Variants in ANXA4 observed in about 807,000 individuals in gnomAD.
ANXA4 encodes the protein annexin A4, also known as 35-beta calcimedin.
In ANXA4, 39 loss-of-function variants were observed where a neutral mutation model predicts 49.8. That is an observed-to-expected ratio of 0.78 (90% CI 0.61 to 1.02). ANXA4 has a LOEUF of 1.02. Ranked by LOEUF, ANXA4 falls within the 50% of genes least tolerant of loss-of-function variation. The probability of loss-of-function intolerance (pLI) is 0.00; values close to 1 mark genes in which losing one functional copy is unlikely to be tolerated. For synonymous variants in ANXA4, 134 were observed against 152.5 expected, an observed-to-expected ratio of 0.88 and a Z score of 0.89; for missense variants, 360 against 410.1, an observed-to-expected ratio of 0.88 and a Z score of 1.05.
intron 2 of ANXA4, among the ~76,000 whole-genome samples, chr2:69,679,071 A>G (rs1677506084): frequency 6.6e-6 from 1 of 151,822 alleles, no homozygotes; most frequent in African/African-American, 2.4e-5. Flanking sequence ...TTGGTTTTTT[A>G]TTGATACACA....
chr2:69,654,631 A>C (rs1676370653), intron 2 of ANXA4, among the ~76,000 whole-genome samples: 1 of 152,198 alleles, frequency 6.6e-6, no homozygotes, highest in East Asian at 1.9e-4. Context: ...CCCAGGGATG[A>C]AGCTGACTTG....
chr2:69,683,705 C>A (rs1677686042), intron 2 of ANXA4, among the ~76,000 whole-genome samples: 1 of 152,120 alleles, frequency 6.6e-6, no homozygotes, highest in Non-Finnish European at 1.5e-5. Flanking sequence ...TGGAGACAGC[C>A]AAGAGCCCTT....
chr2:69,667,636 GTC>G (rs1358640505), intron 2 of ANXA4, among the ~76,000 whole-genome samples: 2 of 151,942 alleles, frequency 1.3e-5, no homozygotes, highest in African/African-American at 4.8e-5. Flanking sequence ...TCTCTTTTTT[GTC>G]TCTTTTGTCC....
At chr2:69,686,624 T>TA (rs1677797246) in intron 2 of ANXA4, among the ~76,000 whole-genome samples, 1 of 152,124 alleles carries the variant, frequency 6.6e-6, no homozygotes, top group Non-Finnish European at 1.5e-5. Context: ...GGCTAATACT[T>TA]TTTTAAATTT....
At chr2:69,744,907 T>C (rs1237504400) in intron 1 of ANXA4, among the ~76,000 whole-genome samples, 2 of 152,170 alleles carry the variant, frequency 1.3e-5, no homozygotes, top group Non-Finnish European at 2.9e-5. Context: ...ATTTTCTTCT[T>C]GTCAAGCTGA....
At chr2:69,679,125 A>T (rs994588708) in intron 2 of ANXA4, among the ~76,000 whole-genome samples, 5 of 151,930 alleles carry the variant, frequency 3.3e-5, no homozygotes, top group African/African-American at 7.3e-5. Flanking sequence ...GGTTTTTTAA[A>T]TTTTATTTTA....
At chr2:69,686,792 A>G (rs1362719812) in intron 2 of ANXA4, among the ~76,000 whole-genome samples, 3 of 152,216 alleles carry the variant, frequency 2.0e-5, no homozygotes. Context: ...TTTTACAACT[A>G]GCTCAGAAAA....
At chr2:69,820,966 T>C in intron 12 of ANXA4, 145 bp downstream of exon 12, 1 of 943,140 alleles carries the variant, frequency 1.1e-6, no homozygotes, top group Non-Finnish European at 1.5e-6. Context: ...GTCTCTCCTC[T>C]TTCACACAGA....
intron 2 of ANXA4, among the ~76,000 whole-genome samples, chr2:69,782,301 C>G (rs1441782929): frequency 6.6e-6 from 1 of 152,134 alleles, no homozygotes; most frequent in African/African-American, 2.4e-5. Context: ...CTTGAGATGC[C>G]TTCCTTTAGG....
chr2:69,662,866 T>A (rs950044633), intron 2 of ANXA4, among the ~76,000 whole-genome samples: 4 of 152,088 alleles, frequency 2.6e-5, no homozygotes, highest in African/African-American at 9.7e-5. Flanking sequence ...TAAATAATTT[T>A]TTACTAAAAT....
chr2:69,753,421 A>G (rs752941973), intron 1 of ANXA4, among the ~76,000 whole-genome samples: 1 of 152,228 alleles, frequency 6.6e-6, no homozygotes. Context: ...CCGAAAATCT[A>G]TATTTTAACT....
At chr2:69,793,262 A>AAAAAAAAC (rs2103740502) in intron 3 of ANXA4, among the ~76,000 whole-genome samples, 1 of 152,014 alleles carries the variant, frequency 6.6e-6, no homozygotes, top group East Asian at 1.9e-4. Context: ...AAAAAAAAAA[A>AAAAAAAAC]GCAGTTTACA....
intron 2 of ANXA4, chr2:69,713,566 T>G (rs1678752132): frequency 6.6e-6 from 1 of 152,226 alleles, no homozygotes; most frequent in East Asian, 1.9e-4. Flanking sequence ...GTCAATCAGT[T>G]TGTAAAACTC....
chr2:69,744,965 G>A (rs1260425047), intron 1 of ANXA4, among the ~76,000 whole-genome samples: 1 of 152,184 alleles, frequency 6.6e-6, no homozygotes, highest in Non-Finnish European at 1.5e-5. Context: ...TGGAAAGGGA[G>A]CACACTGCTG....
intron 1 of ANXA4, among the ~76,000 whole-genome samples, chr2:69,650,702 C>T (rs568780760): frequency 1.3e-5 from 2 of 152,312 alleles, no homozygotes; most frequent in Admixed American, 6.5e-5. Context: ...AATCCTCCTC[C>T]CTCGGCCTCC....
intron 5 of ANXA4, among the ~76,000 whole-genome samples, chr2:69,807,355 G>C (rs924662002): frequency 1.2e-4 from 18 of 152,106 alleles, no homozygotes; most frequent in African/African-American, 4.3e-4. Context: ...CCTAGATGAC[G>C]TACCCACTGT....
intron 2 of ANXA4, among the ~76,000 whole-genome samples, chr2:69,782,569 G>C (rs1345667465): frequency 6.6e-6 from 1 of 152,084 alleles, no homozygotes; most frequent in Non-Finnish European, 1.5e-5. Flanking sequence ...TGCCCAAGCT[G>C]GTCTCAAACT....
intron 4 of ANXA4, among the ~76,000 whole-genome samples, chr2:69,805,207 A>G (rs567045210): frequency 6.6e-6 from 1 of 152,308 alleles, no homozygotes; most frequent in African/African-American, 2.4e-5. Context: ...TTTGGAAACT[A>G]TATCTCAGGA....
At chr2:69,702,651 T>C (rs1250867069) in intron 2 of ANXA4, among the ~76,000 whole-genome samples, 7 of 151,900 alleles carry the variant, frequency 4.6e-5, no homozygotes, top group Admixed American at 4.6e-4. Flanking sequence ...GAGTTGGAGG[T>C]TAAGTGAGCT....
Sources: allele counts gnomAD v4.1 joint callset (sites outside exome capture counted in the v4.1 genomes callset), GRCh38; gene constraint gnomAD v4.1.1; transcripts MANE v1.5; gene names NCBI Gene and HGNC (gene_info 2026-07-23, HGNC 2026-07-21).